Variants in ATP1B1 observed in about 807,000 individuals in gnomAD.
ATP1B1 encodes the protein sodium/potassium-transporting ATPase subunit beta-1.
A neutral mutation model predicts 39.6 loss-of-function variants in ATP1B1; 3 were observed. The ratio of observed to expected loss-of-function variants is 0.08; its 90% CI spans 0.03 to 0.20. The LOEUF is 0.20. Ranked by LOEUF, ATP1B1 falls within the 10% of genes least tolerant of loss-of-function variation. The probability of loss-of-function intolerance (pLI) is 1.00; values close to 1 mark genes in which losing one functional copy is unlikely to be tolerated. For synonymous variants in ATP1B1, 139 were observed against 135.0 expected, an observed-to-expected ratio of 1.03 and a Z score of -0.20; for missense variants, 216 against 371.1, an observed-to-expected ratio of 0.58 and a Z score of 3.43.
At chr1:169,125,871 A>C (rs1658074729) in intron 3 of ATP1B1, among the ~76,000 whole-genome samples, 1 of 152,130 alleles carries the variant, frequency 6.6e-6, no homozygotes, top group Admixed American at 6.5e-5. Flanking sequence ...GCTACTTGGG[A>C]GGCTGAAGTG....
chr1:169,126,481 G>T (rs1040939814), intron 3 of ATP1B1, among the ~76,000 whole-genome samples: 1 of 152,140 alleles, frequency 6.6e-6, no homozygotes, highest in African/African-American at 2.4e-5. Flanking sequence ...AATGCTTAAT[G>T]CATAGCTTTA....
At chr1:169,111,283 A>G (rs912260094) in intron 1 of ATP1B1, 87 bp from the exon 2 acceptor site, 25 of 1,548,538 alleles carry the variant, frequency 1.6e-5, no homozygotes, top group Admixed American at 1.7e-5. Context: ...GGAACCAGGA[A>G]GGAAGCTTGT....
intron 1 of ATP1B1, among the ~76,000 whole-genome samples, chr1:169,109,799 T>C (rs1657688874): frequency 6.6e-6 from 1 of 152,036 alleles, no homozygotes; most frequent in South Asian, 2.1e-4. Context: ...AAGAGGAAAC[T>C]TGAATCAGGG....
chr1:169,106,776 C>A lies in ATP1B1; in HGVS notation c.-54C>A. 6.9e-7 allele frequency: 1 copy of A among 1,455,616 alleles called. No individual in the cohort carries two copies. The highest frequency in any genetic ancestry group is 9.3e-7 in the Non-Finnish European group (1 of 1,075,048). The allele number at this position is 1,455,616 out of a possible 1,614,324, so 90.2% of individuals were successfully genotyped here. A position where few individuals can be genotyped will look rare whatever the true frequency, so the allele number is the denominator to read the frequency against. On this transcript the variant is annotated 5_prime_UTR_variant, in exon 1 of 6. Coordinates refer to ENST00000367815, the MANE Select transcript of ATP1B1 (RefSeq NM_001677.4). ...GAGCGGCGCAGAGGACGCCAGGGCG[C>A]GCGCCGCAGCCACCCACCCTCCGGA...
chr1:169,123,990 T>A (rs771704717), intron 2 of ATP1B1, among the ~76,000 whole-genome samples: 2 of 152,222 alleles, frequency 1.3e-5, no homozygotes, highest in Non-Finnish European at 2.9e-5. Context: ...ATACTTATAT[T>A]TTTTTAAAAA....
chr1:169,123,619 A>G (rs912517055), intron 2 of ATP1B1, among the ~76,000 whole-genome samples: 1 of 149,738 alleles, frequency 6.7e-6, no homozygotes, highest in Non-Finnish European at 1.5e-5. Flanking sequence ...ATCTCTATCT[A>G]TCTATCTATA....
Position 169,130,064 on chromosome 1 carries a change from G to T in ATP1B1, c.622G>T (p.Val208Phe). ...TYPVMKYNPNVLPVQCTGKRD... is the reference protein window; with the variant it reads ...TYPVMKYNPNFLPVQCTGKRD... ...CCCAGTGATGAAGTATAACCCAAAT[G>T]TCCTTCCCGTTCAGTGCACTGGCAA... is the stretch of plus-strand genomic sequence containing the variant. The change falls in exon 5 of 6, where the codon GTC (valine) becomes TTC (phenylalanine). Residue 208 changes from valine to phenylalanine, a missense_variant. Val to Phe is a conservative substitution (Grantham distance 50). Coordinates refer to ENST00000367815, the MANE Select transcript of ATP1B1 (RefSeq NM_001677.4). 1.9e-6 allele frequency: 3 copies of T among 1,613,998 alleles called. No individual in the cohort carries two copies. Among genetic ancestry groups the T allele is most frequent in the Non-Finnish European group, 2.5e-6 (3 of 1,179,924 alleles).
chr1:169,119,823 ACTGT>A (rs1435470963), intron 2 of ATP1B1, among the ~76,000 whole-genome samples: 1 of 152,174 alleles, frequency 6.6e-6, no homozygotes, highest in Non-Finnish European at 1.5e-5. Context: ...TAAGTTGGGA[ACTGT>A]CTGTAATAAT....
chr1:169,115,500 C>T (rs1267864806), intron 2 of ATP1B1, among the ~76,000 whole-genome samples: 2 of 151,990 alleles, frequency 1.3e-5, no homozygotes, highest in East Asian at 3.9e-4. Context: ...AGGTGCGCGC[C>T]ACCATGCCCA....
At chr1:169,112,261 A>C (rs1383272453) in intron 2 of ATP1B1, among the ~76,000 whole-genome samples, 1 of 152,262 alleles carries the variant, frequency 6.6e-6, no homozygotes, top group Non-Finnish European at 1.5e-5. Context: ...GGGTGCCATC[A>C]GTGTAGAGCT....
chr1:169,124,910 A>G lies in ATP1B1; in HGVS notation c.253A>G (p.Lys85Glu). Residue 85 changes from lysine to glutamate, a missense_variant, in exon 3 of 6, where the codon AAG becomes GAG. By Grantham distance (56) the Lys-to-Glu change is moderately conservative. Coordinates refer to ENST00000367815, the MANE Select transcript of ATP1B1 (RefSeq NM_001677.4). ...ATTAACACAGATTCCTCAGATCCAGAAGACTGAAATTTCCTTTCGTCCTAA... is the reference window on the plus strand; with the variant it reads ...ATTAACACAGATTCCTCAGATCCAGGAGACTGAAATTTCCTTTCGTCCTAA... ...PGLTQIPQIQKTEISFRPNDP... is the reference protein window; with the variant it reads ...PGLTQIPQIQETEISFRPNDP... 1 of 1,614,008 alleles carries G rather than the reference A, an allele frequency of 6.2e-7. No individual in the cohort carries two copies. The highest frequency in any genetic ancestry group is 8.5e-7 in the Non-Finnish European group (1 of 1,179,944).
rs183788737 is a variant in ATP1B1 at position 169,110,817 on chromosome 1, A to T, written c.98-553A>T. Reference sequence around the variant, plus strand: ...CCAAAGGGAGAGTGATAGTAAAAAAAACAGGAGGATATCATCACTGGGTTT... The same window carrying T: ...CCAAAGGGAGAGTGATAGTAAAAAATACAGGAGGATATCATCACTGGGTTT... On this transcript the variant is annotated intron_variant, in intron 1 of 5. Transcript: ENST00000367815. 4.5e-4 allele frequency: 258 copies of T among 571,780 alleles called. 3 individuals carry two copies. The highest frequency in any genetic ancestry group is 2.8e-5 in the Non-Finnish European group (11 of 388,098). 35.4% of individuals were successfully genotyped at this position (571,780 alleles called of 1,614,324 possible). A position where few individuals can be genotyped will look rare whatever the true frequency, so the allele number is the denominator to read the frequency against.
intron 4 of ATP1B1, 86 bp from the exon 5 acceptor site, chr1:169,129,924 C>T (rs779895738): frequency 3.4e-5 from 44 of 1,306,822 alleles, no homozygotes; most frequent in Admixed American, 7.4e-5. Flanking sequence ...CCAGTGTGTA[C>T]TTGTTTGGAC....
rs531402479 is a variant in ATP1B1, at chr1:169,126,641, G to A, written c.383-583G>A. Reference sequence around the variant, plus strand: ...TGGGAGGATCTTTAGAGCCCAGGAGGTTGAGGCTGCAGTGGGCCATGATCA... The same window carrying A: ...TGGGAGGATCTTTAGAGCCCAGGAGATTGAGGCTGCAGTGGGCCATGATCA... On this transcript the variant is annotated intron_variant, in intron 3 of 5. Coordinates refer to ENST00000367815, the MANE Select transcript of ATP1B1 (RefSeq NM_001677.4). Among the ~76,000 whole-genome samples, 17 of 152,284 alleles carry A rather than the reference G, an allele frequency of 1.1e-4. No homozygotes were observed. The South Asian group carries it at 2.7e-3, about 24-fold the overall frequency.
chr1:169,124,708 C>G (rs1658052315), intron 2 of ATP1B1, among the ~76,000 whole-genome samples, 176 bp from the exon 3 acceptor site: 2 of 152,224 alleles, frequency 1.3e-5, no homozygotes, highest in East Asian at 1.9e-4. Flanking sequence ...AGCATAGTCA[C>G]TGGTACTTGG....
chr1:169,132,155 T>TG lies in ATP1B1; in HGVS notation c.*605dup. On this transcript the variant is annotated 3_prime_UTR_variant, in exon 6 of 6. Coordinates refer to ENST00000367815, the MANE Select transcript of ATP1B1 (RefSeq NM_001677.4). ...TTTATTTTTTTCCTGGGGGCTGGGG[T>TG]GGGGGTTTGTCATGGGGGAACTGCC... 3 of 598,594 alleles carry TG rather than the reference T, an allele frequency of 5.0e-6. No individual in the cohort carries two copies. The highest frequency in any genetic ancestry group is 3.0e-5 in the South Asian group (2 of 66,350). 37.1% of individuals were successfully genotyped at this position (598,594 alleles called of 1,614,324 possible).
chr1:169,111,540 A>G, intron 2 of ATP1B1, 42 bp downstream of exon 2: 1 of 1,592,364 alleles, frequency 6.3e-7, no homozygotes. Flanking sequence ...CAGAGATAGC[A>G]TGGGTGTCAC....
intron 1 of ATP1B1, among the ~76,000 whole-genome samples, chr1:169,108,935 C>T (rs897366528): frequency 1.3e-5 from 2 of 152,182 alleles, no homozygotes; most frequent in Non-Finnish European, 2.9e-5. Flanking sequence ...GTAGAAAAGG[C>T]GGCAGCAATT....
chr1:169,125,362 C>T (rs753907124), intron 3 of ATP1B1, among the ~76,000 whole-genome samples: 9 of 152,140 alleles, frequency 5.9e-5, no homozygotes, highest in Admixed American at 4.6e-4. Context: ...TACTTATTTC[C>T]TTATCTTCCC....
Sources: allele counts gnomAD v4.1 joint callset (sites outside exome capture counted in the v4.1 genomes callset), GRCh38; gene constraint gnomAD v4.1.1; transcripts MANE v1.5; gene names NCBI Gene and HGNC (gene_info 2026-07-23, HGNC 2026-07-21).